Variants in TWIST2 observed in about 807,000 individuals in gnomAD.
The protein encoded by TWIST2 is twist family bHLH transcription factor 2.
In TWIST2, 1 loss-of-function variant was observed where a neutral mutation model predicts 11.6. That is an observed-to-expected ratio of 0.09 (90% CI 0.03 to 0.41). TWIST2 has a LOEUF of 0.41. TWIST2 is among the 10% of genes least tolerant of loss of function. TWIST2 has a pLI of 0.98. For missense variants in TWIST2, 168 were observed against 226.4 expected (o/e 0.74, Z 1.66); for synonymous variants, 87 against 96.6 (o/e 0.90, Z 0.58).
rs1480100304 is a variant in TWIST2, at chr2:238,905,926, C to T, written c.*36-3916C>T. ...GTGCGTGTGTGTGCGTGCAGGTGTG[C>T]GTGTGCGCGTGTGTGTGCGCGCGCG... On this transcript the variant is annotated intron_variant, in intron 1 of 1. Coordinates refer to ENST00000612363, the MANE Select transcript of TWIST2 (RefSeq NM_001271893.4). Among the ~76,000 whole-genome samples, 618 of 103,844 alleles carry T rather than the reference C, an allele frequency of 6.0e-3. 2 individuals carry two copies. Among genetic ancestry groups the T allele is most frequent in the African/African-American group, 0.03 (582 of 19,362 alleles). The allele number at this position is 103,844 out of a possible 152,430, so 68.1% of individuals were successfully genotyped here.
At chr2:238,890,477 G>A (rs1468273992) in intron 1 of TWIST2, among the ~76,000 whole-genome samples, 1 of 152,202 alleles carries the variant, frequency 6.6e-6, no homozygotes, top group East Asian at 1.9e-4. Context: ...CGATCCAGGT[G>A]ATCCTTCCCC....
chr2:238,885,311 G>A (rs1244797849), intron 1 of TWIST2, among the ~76,000 whole-genome samples: 5 of 152,208 alleles, frequency 3.3e-5, no homozygotes, highest in Admixed American at 1.3e-4. Flanking sequence ...GGCCAAAGCC[G>A]TCATGCTGCC....
At chr2:238,883,867 G>A (rs1692983943) in intron 1 of TWIST2, among the ~76,000 whole-genome samples, 1 of 152,172 alleles carries the variant, frequency 6.6e-6, no homozygotes, top group Non-Finnish European at 1.5e-5. Context: ...CTCTCCTCCT[G>A]CATCTGCAAG....
At chr2:238,860,755 T>C (rs1190803148) in intron 1 of TWIST2, among the ~76,000 whole-genome samples, 2 of 152,148 alleles carry the variant, frequency 1.3e-5, no homozygotes, top group East Asian at 3.9e-4. Context: ...CTGGCCAACA[T>C]GGCGAAACCC....
chr2:238,880,419 G>C (rs1289181772), intron 1 of TWIST2, among the ~76,000 whole-genome samples: 1 of 119,118 alleles, frequency 8.4e-6, no homozygotes, highest in Non-Finnish European at 1.7e-5. Flanking sequence ...GTTAGTGTTG[G>C]TAATATTTAT....
In TWIST2 at chr2:238,880,261, ATTAGTG is replaced by A. The variant is rs1186842886; in HGVS notation, c.*36-29575_*36-29570del. Among the ~76,000 whole-genome samples the A allele has an allele frequency of 4.7e-4, 71 of 151,284 alleles. 1 individual carries two copies. The highest frequency in any genetic ancestry group is 1.9e-4 in the Non-Finnish European group (13 of 67,802). ...AGTATTAGTGTTAGTATTTATTGGT[ATTAGTG>A]TTAGTACTAGTATTTATTAGTGTTA... is the stretch of plus-strand genomic sequence containing the variant. On this transcript the variant is annotated intron_variant, in intron 1 of 1. Transcript: ENST00000612363.
chr2:238,908,386 C>T, intron 1 of TWIST2, among the ~76,000 whole-genome samples: 1 of 150,910 alleles, frequency 6.6e-6, no homozygotes, highest in South Asian at 2.1e-4. Context: ...ACCACATGCA[C>T]CACACACCAC....
chr2:238,880,075 G>A (rs150900620), intron 1 of TWIST2, among the ~76,000 whole-genome samples: 4 of 152,156 alleles, frequency 2.6e-5, no homozygotes, highest in South Asian at 2.1e-4. Context: ...ATTAGTGTTG[G>A]TGTTAGTTTT....
At chr2:238,848,778 G>A in intron 1 of TWIST2, 45 bp downstream of exon 1, 1 of 1,305,978 alleles carries the variant, frequency 7.7e-7, no homozygotes, top group Non-Finnish European at 9.7e-7. Context: ...GCGGGGGGCG[G>A]GCGGCAGGGG....
In TWIST2 at chr2:238,872,826, C is replaced by T. The variant is rs529282244; in HGVS notation, c.*35+24093C>T. Among the ~76,000 whole-genome samples, 24 of 152,326 alleles carry T rather than the reference C, an allele frequency of 1.6e-4. No individual in the cohort carries two copies. In the South Asian group the frequency reaches 4.3e-3, roughly 28 times the overall value. The stretch of plus-strand genomic sequence containing the variant: ...CACGGGCATACGGCCCAGAGGCACA[C>T]GCTCCGCAGATGGTTTTGCGTAGCT... On this transcript the variant is annotated intron_variant, in intron 1 of 1. Transcript: ENST00000612363.
chr2:238,878,181 C>A (rs1476442890), intron 1 of TWIST2, among the ~76,000 whole-genome samples: 1 of 152,148 alleles, frequency 6.6e-6, no homozygotes, highest in Non-Finnish European at 1.5e-5. Context: ...TCATGGTGCC[C>A]TCTCCCCCAC....
intron 1 of TWIST2, among the ~76,000 whole-genome samples, chr2:238,869,225 C>T (rs1472909235): frequency 5.3e-5 from 8 of 152,216 alleles, no homozygotes; most frequent in South Asian, 2.1e-4. Context: ...ATTTCACAAG[C>T]GGTGCTGGCA....
chr2:238,848,737 G>A lies in TWIST2; in HGVS notation c.*35+4G>A, dbSNP rs972761292. ...ACCTCCGGACCGGCGCGCCAGGGTA[G>A]GTGCTGCGCGCGCGACGGGCGCCCT... On this transcript the variant is annotated splice_donor_region_variant and intron_variant, in intron 1 of 1. Coordinates refer to ENST00000612363, the MANE Select transcript of TWIST2 (RefSeq NM_001271893.4). The A allele has an allele frequency of 7.3e-7, 1 of 1,360,828 alleles. No individual in the cohort carries two copies. 84.3% of individuals were successfully genotyped at this position (1,360,828 alleles called of 1,614,324 possible).
chr2:238,885,019 C>A (rs1403404744), intron 1 of TWIST2, among the ~76,000 whole-genome samples: 2 of 152,236 alleles, frequency 1.3e-5, no homozygotes, highest in Non-Finnish European at 2.9e-5. Flanking sequence ...AGACACGTTT[C>A]TCCTGAGAAG....
intron 1 of TWIST2, among the ~76,000 whole-genome samples, chr2:238,889,705 G>A (rs891358623): frequency 6.6e-6 from 1 of 152,232 alleles, no homozygotes; most frequent in Non-Finnish European, 1.5e-5. Context: ...GTAACATGGA[G>A]TAGGATTCCA....
intron 1 of TWIST2, among the ~76,000 whole-genome samples, chr2:238,894,838 C>T (rs1443763511): frequency 1.3e-5 from 2 of 152,200 alleles, no homozygotes; most frequent in Non-Finnish European, 1.5e-5. Context: ...GTCACCTTCC[C>T]TGTATGTTTA....
At chr2:238,895,517 G>C (rs1190766811) in intron 1 of TWIST2, among the ~76,000 whole-genome samples, 1 of 152,242 alleles carries the variant, frequency 6.6e-6, no homozygotes, top group Admixed American at 6.5e-5. Context: ...GGGTTGAAAG[G>C]GTTCCTGGAC....
chr2:238,862,950 A>C lies in TWIST2; in HGVS notation c.*35+14217A>C, dbSNP rs148254886. Among the ~76,000 whole-genome samples, 41 of 152,264 alleles carry C rather than the reference A, an allele frequency of 2.7e-4. No individual in the cohort carries two copies. The East Asian group carries it at 4.8e-3, about 18-fold the overall frequency. Reference sequence around the variant, plus strand: ...TTGGAAGATCAAAGTGTGTGTGTGCATGCACGGGTGTGTTTGTCTGGAGAG... The same window carrying C: ...TTGGAAGATCAAAGTGTGTGTGTGCCTGCACGGGTGTGTTTGTCTGGAGAG... On this transcript the variant is annotated intron_variant, in intron 1 of 1. Transcript: ENST00000612363.
chr2:238,905,138 C>A (rs988771191), intron 1 of TWIST2, among the ~76,000 whole-genome samples: 1 of 152,138 alleles, frequency 6.6e-6, no homozygotes, highest in Non-Finnish European at 1.5e-5. Flanking sequence ...CCTCCCTAGC[C>A]TTTTCCGTAA....
Sources: gnomAD v4.1 joint callset for allele counts (sites outside exome capture counted in the v4.1 genomes callset) on GRCh38, gnomAD v4.1.1 for gene constraint, MANE v1.5 for transcripts, NCBI Gene and HGNC (gene_info 2026-07-23, HGNC 2026-07-21) for gene names.